Variants in MYLK4 observed in about 807,000 individuals in gnomAD.
MYLK4 encodes caMLCK like.
MYLK4 carries 46 observed loss-of-function variants against 48.1 expected under a neutral mutation model. That is an observed-to-expected ratio of 0.96 (90% CI 0.75 to 1.22). MYLK4 has a LOEUF of 1.22. MYLK4 is among the 50% of genes most tolerant of loss of function. The probability of loss-of-function intolerance (pLI) is 0.00; values close to 1 mark genes in which losing one functional copy is unlikely to be tolerated. For missense variants in MYLK4, 451 were observed against 486.1 expected, an observed-to-expected ratio of 0.93 and a Z score of 0.68; for synonymous variants, 170 against 180.8, an observed-to-expected ratio of 0.94 and a Z score of 0.48.
chr6:2,753,883 G>A (rs1245854160), upstream of MYLK4, among the ~76,000 whole-genome samples: 2 of 151,954 alleles, frequency 1.3e-5, 1 homozygote. Flanking sequence ...AAGATAGGTT[G>A]GGTGTGGTGG....
At chr6:2,740,952 C>T (rs979664499) in intron 2 of MYLK4, among the ~76,000 whole-genome samples, 2 of 152,102 alleles carry the variant, frequency 1.3e-5, no homozygotes, top group Non-Finnish European at 1.5e-5. Flanking sequence ...CACTTCATTG[C>T]AAGAGACTTT....
At chr6:2,688,098 C>T (rs1329901168) in intron 4 of MYLK4, among the ~76,000 whole-genome samples, 2 of 151,218 alleles carry the variant, frequency 1.3e-5, no homozygotes, top group African/African-American at 2.4e-5. Flanking sequence ...CTTACTCTGT[C>T]ACCAGGCTGG....
intron 2 of MYLK4, among the ~76,000 whole-genome samples, chr6:2,696,117 G>A (rs1224742901): frequency 6.6e-6 from 1 of 152,184 alleles, no homozygotes; most frequent in Non-Finnish European, 1.5e-5. Context: ...TAATTTATCA[G>A]TGGATGTAGA....
chr6:2,763,859 G>A, the MYLK4 span, among the ~76,000 whole-genome samples: 7 of 146,238 alleles, frequency 4.8e-5, no homozygotes, highest in Non-Finnish European at 9.1e-5. Context: ...AAAAAAAAAA[G>A]CTCACGGTCG....
At position 2,688,946 on chromosome 6, in the gene MYLK4, C is replaced by A. The variant is rs564121808; in HGVS notation, c.246G>T (p.Pro82=). The change falls in exon 4 of 13, where the codon CCG becomes CCT. Residue 82 remains proline (P), a synonymous_variant. Transcript: ENST00000274643. The stretch of plus-strand genomic sequence containing the variant: ...GATGATCAAATGGGGCCGGAGGAGC[C>A]GGGATGTCAACTAGAAGGTGAGAGA... ...KRTSALAVDI[P]APPAPFDHRI... is the part of the protein sequence containing the mutation. 2 of 1,614,082 alleles carry A rather than the reference C, an allele frequency of 1.2e-6. No homozygotes were observed. Among genetic ancestry groups the A allele is most frequent in the Non-Finnish European group, 1.7e-6 (2 of 1,179,978 alleles).
Position 2,699,742 on chromosome 6 carries a change from G to A in MYLK4, c.160-6883C>T, listed in dbSNP as rs140954356. On this transcript the variant is annotated intron_variant, in intron 2 of 12. Transcript: ENST00000274643. ...GTTTTCTTATCCTGATAACTCCCTT[G>A]TTGTAGAAAGGGTTATATGTTCGGA... is the stretch of plus-strand genomic sequence containing the variant. Among the ~76,000 whole-genome samples, 546 of 152,224 alleles carry A rather than the reference G, an allele frequency of 3.6e-3. 2 individuals are homozygous for A. The highest frequency in any genetic ancestry group is 5.9e-3 in the Admixed American group (90 of 15,296).
Position 2,678,391 on chromosome 6 carries a change from AGAGT to A in MYLK4, c.888-23_888-20del. On this transcript the variant is annotated intron_variant, in intron 9 of 12. Transcript: ENST00000274643. ...GCTAAGTCTGGAGGACACGGGGTCC[AGAGT>A]GAGTATTTTTTAAACAGCCTCAACC... The A allele has an allele frequency of 6.2e-7, 1 of 1,611,946 alleles. No homozygotes were observed. The highest frequency in any genetic ancestry group is 8.5e-7 in the Non-Finnish European group (1 of 1,178,978).
intron 2 of MYLK4, among the ~76,000 whole-genome samples, chr6:2,717,476 T>C (rs531593295): frequency 1.7e-4 from 26 of 152,314 alleles, no homozygotes; most frequent in African/African-American, 5.8e-4. Context: ...CTGTTGGGCG[T>C]TGGGAGATCC....
At chr6:2,713,169 G>A (rs1480372682) in intron 2 of MYLK4, among the ~76,000 whole-genome samples, 2 of 152,062 alleles carry the variant, frequency 1.3e-5, no homozygotes, top group East Asian at 3.9e-4. Flanking sequence ...TCGGGAGTTC[G>A]AGACCAGCTT....
intron 2 of MYLK4, among the ~76,000 whole-genome samples, chr6:2,694,556 CGTGGTGGTAGTGGTAGTGCTGCTGG>C (rs1761973595): frequency 9.8e-4 from 3 of 3,066 alleles, no homozygotes; most frequent in African/African-American, 1.4e-3. Flanking sequence ...TGGTGGTAGT[CGTGGTGGTAGTGGTAGTGCTGCTGG>C]TGGTGGTGGT....
At chr6:2,678,697 C>T (rs1465894649) in intron 9 of MYLK4, among the ~76,000 whole-genome samples, 1 of 147,968 alleles carries the variant, frequency 6.8e-6, no homozygotes, top group Non-Finnish European at 1.5e-5. Context: ...TAGCCTGAGT[C>T]ATTTAGGAGA....
chr6:2,670,906 A>T (rs938200477), intron 12 of MYLK4, among the ~76,000 whole-genome samples: 1 of 152,060 alleles, frequency 6.6e-6, no homozygotes, highest in Non-Finnish European at 1.5e-5. Context: ...AGAGGGTGTC[A>T]CTTCCTCTGA....
At chr6:2,757,241 A>G in the MYLK4 span, among the ~76,000 whole-genome samples, 68 of 152,220 alleles carry the variant, frequency 4.5e-4, no homozygotes, top group African/African-American at 1.6e-3. Context: ...TTTATTCTAC[A>G]TGTCCAAAAG....
chr6:2,730,403 A>C (rs2113323018), intron 2 of MYLK4, among the ~76,000 whole-genome samples: 1 of 152,292 alleles, frequency 6.6e-6, no homozygotes, highest in Middle Eastern at 3.4e-3. Context: ...GAACCTGAAA[A>C]TTCCCAGTTT....
the MYLK4 span, among the ~76,000 whole-genome samples, chr6:2,757,022 T>C: frequency 6.6e-6 from 1 of 152,312 alleles, no homozygotes; most frequent in East Asian, 1.9e-4. Flanking sequence ...GACCAAATGT[T>C]GGCCTCCTTG....
chr6:2,703,440 A>G (rs1463413999), intron 2 of MYLK4, among the ~76,000 whole-genome samples: 1 of 152,196 alleles, frequency 6.6e-6, no homozygotes, highest in Non-Finnish European at 1.5e-5. Flanking sequence ...ACTACCAGCA[A>G]TGCCTTTACC....
intron 2 of MYLK4, among the ~76,000 whole-genome samples, chr6:2,724,913 G>A (rs1346226342): frequency 1.3e-5 from 2 of 152,250 alleles, no homozygotes. Context: ...CATTTTGGGA[G>A]GCCGAGGTGG....
Position 2,674,879 on chromosome 6 carries a change from A to T in MYLK4, c.1119+168T>A, listed in dbSNP as rs79129584. ...AGAGTGAAATTTTGCCTCAAAAAAA[A>T]TTTTTTTTAAAAAAGCATTTTAAGT... On this transcript the variant is annotated intron_variant, in intron 11 of 12. Coordinates refer to ENST00000274643, the MANE Select transcript of MYLK4 (RefSeq NM_001012418.5). Among the ~76,000 whole-genome samples, 1,241 of 152,262 alleles carry T rather than the reference A, an allele frequency of 8.2e-3. 17 individuals are homozygous for T. Among genetic ancestry groups the T allele is most frequent in the African/African-American group, 0.028 (1,158 of 41,528 alleles).
chr6:2,692,967 C>T lies in MYLK4; in HGVS notation c.160-108G>A, dbSNP rs113564563. ...TGATTCCGTGTGGTGGGGAATGTCA[C>T]GAGCATTACAGGACAGCAGCATCAC... On this transcript the variant is annotated intron_variant, in intron 2 of 12. Coordinates refer to ENST00000274643, the MANE Select transcript of MYLK4 (RefSeq NM_001012418.5). 1,472 of 1,024,104 alleles carry T rather than the reference C, an allele frequency of 1.4e-3. 11 individuals carry two copies. The African/African-American group carries it at 0.02, about 14-fold the overall frequency. The allele number at this position is 1,024,104 out of a possible 1,614,324, so 63.4% of individuals were successfully genotyped here. A position where few individuals can be genotyped will look rare whatever the true frequency, so the allele number is the denominator to read the frequency against.
Sources: allele counts gnomAD v4.1 joint callset (sites outside exome capture counted in the v4.1 genomes callset), GRCh38; gene constraint gnomAD v4.1.1; transcripts MANE v1.5; gene names NCBI Gene and HGNC (gene_info 2026-07-23, HGNC 2026-07-21).